Variants in SYT14 observed in about 807,000 individuals in gnomAD.
SYT14 encodes synaptotagmin-14.
Under a neutral mutation model 74.2 loss-of-function variants are expected in SYT14, and 32 were observed. That is an observed-to-expected ratio of 0.43 (90% CI 0.33 to 0.58). The LOEUF (loss-of-function observed/expected upper bound fraction) is 0.58. SYT14 is among the 20% of genes least tolerant of loss of function. SYT14 has a pLI of 0.05. For synonymous variants in SYT14, 298 were observed against 337.7 expected, an observed-to-expected ratio of 0.88 and a Z score of 1.29; for missense variants, 791 against 981.8, an observed-to-expected ratio of 0.81 and a Z score of 2.60.
chr1:210,170,686 CAAAT>C (rs1446380854), exon 10 of SYT14: 17 of 151,738 alleles, frequency 1.1e-4, no homozygotes, highest in African/African-American at 3.1e-4. Context: ...TTGTCATTGA[CAAAT>C]AAATGTTAAT....
chr1:210,020,237 A>G (rs1572168362), intron 4 of SYT14, among the ~76,000 whole-genome samples: 1 of 152,294 alleles, frequency 6.6e-6, no homozygotes, highest in African/African-American at 2.4e-5. Context: ...TAATGACTGC[A>G]TAATATATCA....
In SYT14 at chr1:210,069,683, A is replaced by G. The variant is rs2081358731; in HGVS notation, c.1313-24639A>G. Among the ~76,000 whole-genome samples, 3 of 152,052 alleles carry G rather than the reference A, an allele frequency of 2.0e-5. No individual in the cohort carries two copies. In the South Asian group the frequency reaches 6.2e-4, roughly 31 times the overall value. On this transcript the variant is annotated intron_variant, in intron 5 of 9. Transcript: ENST00000637265. The stretch of plus-strand genomic sequence containing the variant: ...AACCTTTATTCTTAATTATAAGTGT[A>G]TATTGTAAACATTTACTTCCTATGT...
At chr1:210,160,641 A>G (rs962648760) in intron 9 of SYT14, 88 bp from the exon 9 acceptor site, 3 of 1,158,562 alleles carry the variant, frequency 2.6e-6, no homozygotes, top group East Asian at 2.6e-5. Flanking sequence ...CTTATAAAGT[A>G]TAAATACTTA....
chr1:210,045,384 C>G (rs1558150838), intron 5 of SYT14, among the ~76,000 whole-genome samples: 1 of 152,110 alleles, frequency 6.6e-6, no homozygotes, highest in East Asian at 1.9e-4. Context: ...ATTTCAGACC[C>G]TTACATTTCA....
At chr1:210,058,999 G>A (rs1005866997) in intron 5 of SYT14, among the ~76,000 whole-genome samples, 2 of 152,062 alleles carry the variant, frequency 1.3e-5, no homozygotes, top group Admixed American at 6.6e-5. Flanking sequence ...ACTGTTTTAA[G>A]CCCTTTACTT....
At chr1:210,150,088 G>C (rs968718832) in intron 7 of SYT14, among the ~76,000 whole-genome samples, 3 of 152,160 alleles carry the variant, frequency 2.0e-5, no homozygotes, top group African/African-American at 7.2e-5. Context: ...GCTCTAAGCA[G>C]CAAGTTCCAG....
intron 2 of SYT14, among the ~76,000 whole-genome samples, chr1:210,002,506 T>C (rs1572142249): frequency 6.6e-6 from 1 of 152,276 alleles, no homozygotes; most frequent in South Asian, 2.1e-4. Context: ...CTACATAATT[T>C]TCTAGTGTAT....
In SYT14 at chr1:210,016,224, A is replaced by C. The variant is rs963003460; in HGVS notation, c.221A>C (p.Asn74Thr). 1.1e-5 allele frequency: 13 copies of C among 1,232,052 alleles called. No individual in the cohort carries two copies. In the Admixed American group the frequency reaches 1.7e-4, roughly 16 times the overall value. 76.3% of individuals were successfully genotyped at this position (1,232,052 alleles called of 1,614,324 possible). ...GCTGTAGACACTTCTAAACAAAAAA[A>C]TGCCGGGTTAACAGAAGTCTCCAAA... The change falls in exon 4 of 10, where the codon AAT becomes ACT. Residue 74 changes from asparagine (N) to threonine (T), a missense_variant. Coordinates refer to ENST00000637265, the Ensembl canonical transcript of SYT14.
At chr1:210,109,965 C>T (rs1474477271) in intron 7 of SYT14, among the ~76,000 whole-genome samples, 1 of 152,114 alleles carries the variant, frequency 6.6e-6, no homozygotes, top group Non-Finnish European at 1.5e-5. Context: ...ATGTCCTTTG[C>T]AGGGACATGG....
chr1:209,952,625 G>A (rs2078930328), intron 1 of SYT14, 84 bp from the exon 2 acceptor site: 1 of 1,192,494 alleles, frequency 8.4e-7, no homozygotes, highest in African/African-American at 1.5e-5. Flanking sequence ...TCACTTTTAG[G>A]TGCTAATTTA....
At chr1:209,941,227 T>C (rs2078725125) in intron 1 of SYT14, among the ~76,000 whole-genome samples, 1 of 152,216 alleles carries the variant, frequency 6.6e-6, no homozygotes, top group Non-Finnish European at 1.5e-5. Flanking sequence ...ATCAGTCAGA[T>C]GTGTAACTAT....
At position 210,101,383 on chromosome 1, in the gene SYT14, G is replaced by GT. The variant is rs546360465; in HGVS notation, c.2034+923dup. On this transcript the variant is annotated intron_variant, in intron 7 of 9. Coordinates refer to ENST00000637265, the Ensembl canonical transcript of SYT14. ...TTAGTGTTGTTTTGAGCTTTTAAAT[G>GT]TGTAAGCTTCGGTCCAAGTAGTTTA... Among the ~76,000 whole-genome samples, 85 of 152,204 alleles carry GT rather than the reference G, an allele frequency of 5.6e-4. 3 individuals carry two copies. The East Asian group carries it at 0.011, about 20-fold the overall frequency.
chr1:210,109,576 C>A (rs1486468138), intron 7 of SYT14, among the ~76,000 whole-genome samples: 80 of 130,362 alleles, frequency 6.1e-4, no homozygotes, highest in Middle Eastern at 3.8e-3. Context: ...GACTCTGTCT[C>A]AAAAAAAAAA....
intron 7 of SYT14, among the ~76,000 whole-genome samples, chr1:210,139,196 C>T (rs1203802042): frequency 6.7e-6 from 1 of 150,306 alleles, no homozygotes; most frequent in East Asian, 2.0e-4. Context: ...AAGCAATTCT[C>T]GTGCCTCAGC....
At chr1:209,972,328 G>C (rs1396288806) in intron 2 of SYT14, among the ~76,000 whole-genome samples, 2 of 151,656 alleles carry the variant, frequency 1.3e-5, no homozygotes, top group Non-Finnish European at 2.9e-5. Context: ...TTGATTCTTC[G>C]TATGGATTTG....
chr1:209,969,486 CTTTTTTT>C (rs35157576), intron 2 of SYT14, among the ~76,000 whole-genome samples: 2 of 127,212 alleles, frequency 1.6e-5, no homozygotes, highest in African/African-American at 2.8e-5. Context: ...TTTTTTCTTT[CTTTTTTT>C]TTTTTTTTTT....
chr1:210,132,311 G>T (rs2082691705), intron 7 of SYT14, among the ~76,000 whole-genome samples: 1 of 151,306 alleles, frequency 6.6e-6, no homozygotes, highest in Non-Finnish European at 1.5e-5. Context: ...TCCTGGCATG[G>T]ACATCCTGTT....
At chr1:210,064,710 A>AT (rs2081265980) in intron 5 of SYT14, among the ~76,000 whole-genome samples, 1 of 152,048 alleles carries the variant, frequency 6.6e-6, no homozygotes, top group South Asian at 2.1e-4. Flanking sequence ...ATTGTGAATA[A>AT]TACTACTATA....
At position 210,012,708 on chromosome 1, in the gene SYT14, CT is replaced by C. The variant is rs879303507; in HGVS notation, c.-485-912del. ...ATATAACCTTTTTCTTTCTTTCTTT[CT>C]TTTTTTTTTTTTGAAACAGTCTCGC... is the stretch of plus-strand genomic sequence containing the variant. On this transcript the variant is annotated intron_variant, in intron 2 of 9. Transcript: ENST00000637265. Among the ~76,000 whole-genome samples the C allele has an allele frequency of 1.8e-3, 257 of 143,388 alleles. 1 individual carries two copies. The highest frequency in any genetic ancestry group is 2.0e-3 in the Admixed American group (29 of 14,394). 94.1% of individuals were successfully genotyped at this position (143,388 alleles called of 152,430 possible). A position where few individuals can be genotyped will look rare whatever the true frequency, so the allele number is the denominator to read the frequency against.
Sources: gnomAD v4.1 joint callset for allele counts (sites outside exome capture counted in the v4.1 genomes callset) on GRCh38, gnomAD v4.1.1 for gene constraint, MANE v1.5 for transcripts, NCBI Gene and HGNC (gene_info 2026-07-23, HGNC 2026-07-21) for gene names.